AUTS2: variants seen among roughly 807,000 people sequenced by gnomAD.
AUTS2 encodes autism susceptibility gene 2 protein.
Under a neutral mutation model 112.4 loss-of-function variants are expected in AUTS2, and 17 were observed. That is an observed-to-expected ratio of 0.15 (90% CI 0.10 to 0.23). The LOEUF (loss-of-function observed/expected upper bound fraction) is 0.23. AUTS2 is among the 10% of genes least tolerant of loss of function. AUTS2 has a pLI of 1.00. For missense variants in AUTS2, 1,510 were observed against 1,701.6 expected, an observed-to-expected ratio of 0.89 and a Z score of 1.98; for synonymous variants, 751 against 702.7, an observed-to-expected ratio of 1.07 and a Z score of -1.09.
At chr7:70,276,503 C>T (rs532079166) in intron 4 of AUTS2, among the ~76,000 whole-genome samples, 30 of 151,822 alleles carry the variant, frequency 2.0e-4, no homozygotes, top group Non-Finnish European at 3.2e-4. Flanking sequence ...CTCAGCCTCC[C>T]GAGTAGCTGG....
intron 2 of AUTS2, among the ~76,000 whole-genome samples, chr7:70,093,298 C>T (rs1019241351): frequency 3.3e-5 from 5 of 152,188 alleles, no homozygotes; most frequent in African/African-American, 1.2e-4. Flanking sequence ...CTGCAAATCT[C>T]TTCAGGTCTG....
At chr7:70,554,818 G>A (rs1025364590) in intron 5 of AUTS2, among the ~76,000 whole-genome samples, 4 of 152,214 alleles carry the variant, frequency 2.6e-5, no homozygotes, top group Non-Finnish European at 5.9e-5. Flanking sequence ...CCCACTGAAG[G>A]TCTCCAAGTG....
Position 70,763,214 on chromosome 7 carries a change from A to C in AUTS2, c.1087A>C (p.Arg363=). The change falls in exon 7 of 19, where the codon AGG becomes CGG. Residue 363 remains arginine (R), a synonymous_variant. Coordinates refer to ENST00000342771, the MANE Select transcript of AUTS2 (RefSeq NM_015570.4). ...APQPQVQRPP[R]PQSPTQLLHQ... is the part of the protein sequence containing the mutation. ...GCAGCCTCAGGTGCAGAGGCCACCC[A>C]GGCCACAGTCCCCCACCCAGCTGCT... 6.2e-7 allele frequency: 1 copy of C among 1,614,050 alleles called. No homozygotes were observed. The highest frequency in any genetic ancestry group is 1.1e-5 in the South Asian group (1 of 91,058).
chr7:70,623,719 A>G (rs1205408354), intron 5 of AUTS2, among the ~76,000 whole-genome samples: 2 of 152,204 alleles, frequency 1.3e-5, no homozygotes, highest in African/African-American at 4.8e-5. Flanking sequence ...CAGAGACCAG[A>G]GAAGGTCACC....
At chr7:70,346,698 C>T (rs1791511594) in intron 4 of AUTS2, among the ~76,000 whole-genome samples, 1 of 152,132 alleles carries the variant, frequency 6.6e-6, no homozygotes, top group South Asian at 2.1e-4. Context: ...ATGACAAACC[C>T]TTCACCTACC....
intron 5 of AUTS2, among the ~76,000 whole-genome samples, chr7:70,605,162 G>A (rs1040417958): frequency 6.6e-6 from 1 of 152,086 alleles, no homozygotes. Context: ...TTTCACTAAG[G>A]CTAAACTTAT....
rs559113009 is a variant in AUTS2, at chr7:70,485,443, G to T, written c.690+49662G>T. ...TATGAGGATGCAAAGGCCTAAGAAT[G>T]ATATATTGGACTTTGGGGACTCGGG... On this transcript the variant is annotated intron_variant, in intron 5 of 18. Transcript: ENST00000342771. Among the ~76,000 whole-genome samples, 4 of 152,176 alleles carry T rather than the reference G, an allele frequency of 2.6e-5. No individual in the cohort carries two copies. In the East Asian group the frequency reaches 5.8e-4, roughly 22 times the overall value.
At chr7:70,443,690 TG>T (rs759649409) in intron 5 of AUTS2, among the ~76,000 whole-genome samples, 11 of 152,226 alleles carry the variant, frequency 7.2e-5, no homozygotes, top group Non-Finnish European at 1.3e-4. Context: ...CTTATCTGTT[TG>T]TTGGTTCAGT....
chr7:70,250,438 CCT>C (rs1485576738), intron 4 of AUTS2, among the ~76,000 whole-genome samples: 1 of 152,210 alleles, frequency 6.6e-6, no homozygotes, highest in East Asian at 1.9e-4. Context: ...CTGCCACCCA[CCT>C]CCATTCTCTG....
chr7:69,872,466 A>C (rs1219126800), intron 1 of AUTS2, among the ~76,000 whole-genome samples: 13 of 152,208 alleles, frequency 8.5e-5, no homozygotes, highest in Admixed American at 2.6e-4. Flanking sequence ...TTCTATTCTA[A>C]GTGCTGAAAT....
chr7:70,188,741 G>A (rs1809730921), intron 4 of AUTS2, among the ~76,000 whole-genome samples: 1 of 151,868 alleles, frequency 6.6e-6, no homozygotes, highest in Non-Finnish European at 1.5e-5. Flanking sequence ...TTGCTAGCTA[G>A]TGGACATAAA....
intron 2 of AUTS2, among the ~76,000 whole-genome samples, chr7:69,972,284 C>T (rs1797880088): frequency 6.6e-6 from 1 of 152,056 alleles, no homozygotes; most frequent in Non-Finnish European, 1.5e-5. Context: ...GTCTTTTGCC[C>T]ATTTTCTAAT....
intron 1 of AUTS2, among the ~76,000 whole-genome samples, chr7:69,805,417 T>C (rs115510043): frequency 5.4e-4 from 82 of 152,294 alleles, no homozygotes; most frequent in African/African-American, 1.9e-3. Flanking sequence ...GACTTTTTTT[T>C]ACATTTGTTG....
chr7:69,838,894 G>A (rs1371307381), intron 1 of AUTS2, among the ~76,000 whole-genome samples: 1 of 152,136 alleles, frequency 6.6e-6, no homozygotes, highest in Non-Finnish European at 1.5e-5. Context: ...GTAGGGATAT[G>A]ATTTTAAACC....
At chr7:70,595,380 G>GT (rs772757535) in intron 5 of AUTS2, among the ~76,000 whole-genome samples, 1 of 152,088 alleles carries the variant, frequency 6.6e-6, no homozygotes, top group Non-Finnish European at 1.5e-5. Context: ...TCTGAACTAT[G>GT]TTGGCATAGT....
intron 4 of AUTS2, among the ~76,000 whole-genome samples, chr7:70,370,801 G>A (rs544496219): frequency 6.6e-6 from 1 of 151,570 alleles, no homozygotes; most frequent in Non-Finnish European, 1.5e-5. Context: ...CAGTGTATGA[G>A]TGTTCTAGTT....
intron 4 of AUTS2, among the ~76,000 whole-genome samples, chr7:70,302,364 C>A (rs1031852749): frequency 2.6e-5 from 4 of 151,540 alleles, no homozygotes; most frequent in African/African-American, 4.9e-5. Context: ...ATGATTGTGC[C>A]ACTGCACTTC....
At chr7:69,728,284 G>T (rs1584144754) in intron 1 of AUTS2, among the ~76,000 whole-genome samples, 2 of 152,196 alleles carry the variant, frequency 1.3e-5, no homozygotes, top group Non-Finnish European at 2.9e-5. Context: ...ATTATTCAGG[G>T]TATTCCCACC....
intron 6 of AUTS2, among the ~76,000 whole-genome samples, chr7:70,718,175 G>A (rs1024554686): frequency 1.3e-5 from 2 of 152,274 alleles, no homozygotes; most frequent in South Asian, 2.1e-4. Context: ...TGTGGGGGAA[G>A]AGCTTTCCTT....
Sources: allele counts gnomAD v4.1 joint callset (sites outside exome capture counted in the v4.1 genomes callset), GRCh38; gene constraint gnomAD v4.1.1; transcripts MANE v1.5; gene names NCBI Gene and HGNC (gene_info 2026-07-23, HGNC 2026-07-21).